The following CCDC57 variants were observed in gnomAD, a reference collection of about 807,000 sequenced individuals.
CCDC57 encodes the protein coiled-coil domain containing 57.
A neutral mutation model predicts 118.9 loss-of-function variants in CCDC57; 118 were observed. The observed-to-expected ratio is 0.99, with a 90% CI of 0.86 to 1.16. The LOEUF (loss-of-function observed/expected upper bound fraction) is 1.16, where lower values mean the gene tolerates loss of function less well. Ranked by LOEUF, CCDC57 falls within the 50% of genes most tolerant of loss-of-function variation. The pLI is 0.00. For missense variants in CCDC57, 1,300 were observed against 1,320.7 expected (o/e 0.98, Z 0.24); for synonymous variants, 527 against 532.9 (o/e 0.99, Z 0.15).
At position 82,128,453 on chromosome 17, in the gene CCDC57, C is replaced by A. The variant is rs1034211998; in HGVS notation, c.2682+40G>T. On this transcript the variant is annotated intron_variant, in intron 18 of 19. Transcript: ENST00000665763. ...GGCCCCGGCTTCCCTGCTGGCCACA[C>A]CCCACACAGCTGCACTTGCTCGGGC... 11 of 1,443,472 alleles carry A rather than the reference C, an allele frequency of 7.6e-6. No individual in the cohort carries two copies. In the Admixed American group the frequency reaches 8.0e-5, roughly 11 times the overall value. 89.4% of individuals were successfully genotyped at this position (1,443,472 alleles called of 1,614,324 possible).
intron 19 of CCDC57, among the ~76,000 whole-genome samples, chr17:82,120,075 G>A (rs552938264): frequency 3.3e-5 from 5 of 152,240 alleles, no homozygotes; most frequent in East Asian, 1.9e-4. Flanking sequence ...GTGTGACGTC[G>A]TGACTAAACA....
exon 16 of CCDC57, chr17:82,151,732 C>A (rs1256202153): frequency 6.5e-7 from 1 of 1,550,208 alleles, no homozygotes; most frequent in Non-Finnish European, 8.7e-7. Flanking sequence ...GGAAAAGCTC[C>A]CCCTGGTCCT....
chr17:82,175,375 C>T (rs1459724179), intron 11 of CCDC57, among the ~76,000 whole-genome samples: 1 of 152,210 alleles, frequency 6.6e-6, no homozygotes, highest in East Asian at 1.9e-4. Context: ...GCTCAGAGGG[C>T]TCGGCAGTGT....
intron 16 of CCDC57, among the ~76,000 whole-genome samples, chr17:82,150,230 C>T (rs1438760897): frequency 2.0e-5 from 3 of 151,022 alleles, no homozygotes; most frequent in Non-Finnish European, 4.4e-5. Context: ...ACCAGGCGCA[C>T]ACCCAGAACC....
At chr17:82,104,321 C>G (rs1263856284) in intron 19 of CCDC57, among the ~76,000 whole-genome samples, 1 of 152,204 alleles carries the variant, frequency 6.6e-6, no homozygotes, top group Non-Finnish European at 1.5e-5. Flanking sequence ...CTGCACCCCT[C>G]CCCCACGGGC....
chr17:82,108,326 G>C (rs933482816), intron 19 of CCDC57, among the ~76,000 whole-genome samples: 8 of 152,188 alleles, frequency 5.3e-5, no homozygotes, highest in Admixed American at 1.3e-4. Flanking sequence ...GCTCCTCTGT[G>C]GACAGCCGGG....
chr17:82,186,643 C>A (rs926501976), intron 8 of CCDC57, among the ~76,000 whole-genome samples: 1 of 152,228 alleles, frequency 6.6e-6, no homozygotes, highest in African/African-American at 2.4e-5. Context: ...AACAGAAATA[C>A]AATTTGTCAG....
At chr17:82,182,862 T>C (rs182910102) in intron 9 of CCDC57, among the ~76,000 whole-genome samples, 15 of 151,212 alleles carry the variant, frequency 9.9e-5, no homozygotes, top group Admixed American at 8.6e-4. Flanking sequence ...ATTTTTGTAT[T>C]TTTAGTAGAG....
At chr17:82,149,438 C>T (rs2145787636) in intron 16 of CCDC57, among the ~76,000 whole-genome samples, 1 of 152,194 alleles carries the variant, frequency 6.6e-6, no homozygotes, top group East Asian at 1.9e-4. Flanking sequence ...AGATGCCCAG[C>T]CTCCACCTCA....
rs56066201 is a variant in CCDC57 at position 82,165,015 on chromosome 17, T to G, written c.1883-1658A>C. Among the ~76,000 whole-genome samples the G allele has an allele frequency of 7.8e-3, 1,187 of 152,274 alleles. 6 individuals are homozygous for G. The Middle Eastern group carries it at 0.085, about 11-fold the overall frequency. The stretch of plus-strand genomic sequence containing the variant: ...TTACTCATGAACATAAATGTGATAA[T>G]TCTCAATAAAACACTGGCAAACCAA... On this transcript the variant is annotated intron_variant, in intron 13 of 19. Transcript: ENST00000665763.
intron 14 of CCDC57, among the ~76,000 whole-genome samples, chr17:82,159,145 G>A (rs891039679): frequency 6.6e-6 from 1 of 151,872 alleles, no homozygotes; most frequent in African/African-American, 2.4e-5. Flanking sequence ...GGGATTACAG[G>A]CATGCACCAC....
chr17:82,169,021 C>CA (rs1331380109), intron 13 of CCDC57, among the ~76,000 whole-genome samples: 3 of 152,206 alleles, frequency 2.0e-5, no homozygotes, highest in Non-Finnish European at 4.4e-5. Flanking sequence ...GGGAGAAAGA[C>CA]AGCTATTATC....
chr17:82,166,931 A>G (rs1228829325), intron 13 of CCDC57, among the ~76,000 whole-genome samples: 1 of 151,904 alleles, frequency 6.6e-6, no homozygotes, highest in Non-Finnish European at 1.5e-5. Flanking sequence ...CAACAACCAC[A>G]ACAACAACAA....
chr17:82,145,791 G>A, intron 16 of CCDC57: 1 of 466,356 alleles, frequency 2.1e-6, no homozygotes, highest in Non-Finnish European at 4.4e-6. Context: ...CCTGGTCTCG[G>A]CCGGAACCCT....
chr17:82,157,880 G>A (rs1463683167), exon 15 of CCDC57: 1 of 1,578,218 alleles, frequency 6.3e-7, no homozygotes, highest in Non-Finnish European at 8.6e-7. Flanking sequence ...AAACCTCCAG[G>A]TGTACCTGGT....
intron 7 of CCDC57, 45 bp downstream of exon 6, chr17:82,193,710 TG>T: frequency 6.5e-7 from 1 of 1,530,258 alleles, no homozygotes; most frequent in Non-Finnish European, 8.9e-7. Context: ...CCTCCTCTCC[TG>T]GGGCCACTGA....
intron 11 of CCDC57, among the ~76,000 whole-genome samples, chr17:82,174,007 C>T (rs1001396833): frequency 2.6e-5 from 4 of 152,222 alleles, no homozygotes; most frequent in South Asian, 2.1e-4. Context: ...TGCTTCCAGA[C>T]GCCAGCATAG....
At chr17:82,114,403 T>C (rs1660485674) in intron 19 of CCDC57, among the ~76,000 whole-genome samples, 1 of 152,132 alleles carries the variant, frequency 6.6e-6, no homozygotes, top group Admixed American at 6.5e-5. Context: ...TCAGGGCATG[T>C]TTTTATGTCT....
At position 82,183,771 on chromosome 17, in the gene CCDC57, T is replaced by G; in HGVS notation, c.1211+3A>C. ...ATGGAAACATCTGCCTGGGGACAGT[T>G]ACCTTTCAATGTCCTGCTGGGATCG... On this transcript the variant is annotated splice_donor_region_variant and intron_variant, in intron 9 of 19. Coordinates refer to ENST00000665763, the Ensembl canonical transcript of CCDC57. 6.4e-7 allele frequency: 1 copy of G among 1,554,396 alleles called. No individual in the cohort carries two copies. The highest frequency in any genetic ancestry group is 8.7e-7 in the Non-Finnish European group (1 of 1,148,252).
Sources: gnomAD v4.1 joint callset for allele counts (sites outside exome capture counted in the v4.1 genomes callset) on GRCh38, gnomAD v4.1.1 for gene constraint, MANE v1.5 for transcripts, NCBI Gene and HGNC (gene_info 2026-07-23, HGNC 2026-07-21) for gene names.